Variants in MIR2052HG observed in about 807,000 individuals in gnomAD.
The protein encoded by MIR2052HG is MIR2052 host gene.
At chr8:74,654,414 C>G (rs1006986959) in intron 2 of MIR2052HG, among the ~76,000 whole-genome samples, 3 of 152,042 alleles carry the variant, frequency 2.0e-5, no homozygotes, top group Non-Finnish European at 4.4e-5. Context: ...GTATCCCCAC[C>G]CAAATCTCAC....
intron 2 of MIR2052HG, among the ~76,000 whole-genome samples, chr8:74,681,375 C>G (rs531483150): frequency 6.6e-6 from 1 of 151,806 alleles, no homozygotes; most frequent in Admixed American, 6.6e-5. Flanking sequence ...TGAGCCAAAA[C>G]CTTTCTAATA....
At chr8:74,655,772 T>C (rs975552102) in intron 2 of MIR2052HG, among the ~76,000 whole-genome samples, 46 of 152,222 alleles carry the variant, frequency 3.0e-4, no homozygotes, top group African/African-American at 1.1e-3. Flanking sequence ...CTAGTGAAGC[T>C]GTGAGAAGAG....
chr8:74,740,421 G>C (rs542491327), intron 4 of MIR2052HG, among the ~76,000 whole-genome samples: 1 of 152,024 alleles, frequency 6.6e-6, no homozygotes, highest in Non-Finnish European at 1.5e-5. Context: ...CTGAGATGGC[G>C]CCACTTCACT....
chr8:74,695,860 C>T (rs1046261517), intron 2 of MIR2052HG, among the ~76,000 whole-genome samples: 1 of 152,148 alleles, frequency 6.6e-6, no homozygotes, highest in Admixed American at 6.5e-5. Flanking sequence ...AGATAGACAG[C>T]AACACAATAA....
intron 2 of MIR2052HG, among the ~76,000 whole-genome samples, chr8:74,688,104 G>A (rs1041695920): frequency 1.3e-5 from 2 of 152,174 alleles, no homozygotes; most frequent in East Asian, 1.9e-4. Flanking sequence ...CTTTATGTGA[G>A]TAGTCCTCAT....
intron 4 of MIR2052HG, among the ~76,000 whole-genome samples, chr8:74,733,461 T>G (rs1441923383): frequency 6.6e-6 from 1 of 151,652 alleles, no homozygotes; most frequent in Non-Finnish European, 1.5e-5. Flanking sequence ...TGTGCCACAT[T>G]TTCTTAATCC....
chr8:74,718,309 A>G lies in MIR2052HG; in HGVS notation n.371+14627A>G, dbSNP rs74502132. Among the ~76,000 whole-genome samples, 349 of 152,278 alleles carry G rather than the reference A, an allele frequency of 2.3e-3. 1 individual carries two copies. Among genetic ancestry groups the G allele is most frequent in the African/African-American group, 7.7e-3 (319 of 41,560 alleles). ...AAAAGAGCAGTTTAGACCAGATGAC[A>G]GGGGCCTTTTCTTTTATATTCTCAT... On this transcript the variant is annotated intron_variant and non_coding_transcript_variant, in intron 4 of 6. Coordinates refer to ENST00000523442, the Ensembl canonical transcript of MIR2052HG.
chr8:74,682,228 C>T (rs570041255), intron 2 of MIR2052HG, among the ~76,000 whole-genome samples: 10 of 152,058 alleles, frequency 6.6e-5, no homozygotes, highest in African/African-American at 1.4e-4. Context: ...AGGGTGACTA[C>T]CTTAATGAGT....
At chr8:74,710,021 C>A (rs1296997874) in intron 4 of MIR2052HG, among the ~76,000 whole-genome samples, 1 of 152,126 alleles carries the variant, frequency 6.6e-6, no homozygotes, top group African/African-American at 2.4e-5. Flanking sequence ...TAGTTTGCAG[C>A]CACCCCATTC....
intron 4 of MIR2052HG, among the ~76,000 whole-genome samples, chr8:74,734,920 T>A (rs1563542671): frequency 6.6e-6 from 1 of 152,236 alleles, no homozygotes; most frequent in Non-Finnish European, 1.5e-5. Context: ...GTTTATGTGT[T>A]TATCCCTCAA....
intron 1 of MIR2052HG, among the ~76,000 whole-genome samples, chr8:74,611,820 A>T (rs1252207237): frequency 6.6e-6 from 1 of 152,178 alleles, no homozygotes; most frequent in Non-Finnish European, 1.5e-5. Context: ...GATTGATAGG[A>T]TGTTCAACTA....
intron 2 of MIR2052HG, among the ~76,000 whole-genome samples, chr8:74,689,608 G>A (rs914349455): frequency 1.3e-5 from 2 of 151,928 alleles, no homozygotes; most frequent in African/African-American, 4.8e-5. Flanking sequence ...TACTTCATAT[G>A]GTCAACCACC....
intron 2 of MIR2052HG, among the ~76,000 whole-genome samples, chr8:74,676,689 G>T (rs931620342): frequency 6.6e-6 from 1 of 151,828 alleles, no homozygotes; most frequent in East Asian, 1.9e-4. Flanking sequence ...AAAAATATGA[G>T]AATAAAGATG....
rs1374297060 is a variant in MIR2052HG at position 74,623,170 on chromosome 8, G to A, written n.216+10230G>A. On this transcript the variant is annotated intron_variant and non_coding_transcript_variant, in intron 2 of 6. Transcript: ENST00000523442. Reference sequence around the variant, plus strand: ...TTCTCATCACAAAAAAGATAAGAATGGTAGGTGATTGTTAGGTTAATTAGC... The same window carrying A: ...TTCTCATCACAAAAAAGATAAGAATAGTAGGTGATTGTTAGGTTAATTAGC... 4.6e-5 allele frequency among the ~76,000 whole-genome samples: 7 copies of A among 152,244 alleles called. No individual in the cohort carries two copies. In the East Asian group the frequency reaches 1.4e-3, roughly 29 times the overall value.
chr8:74,628,003 C>T (rs2128733679), intron 2 of MIR2052HG, among the ~76,000 whole-genome samples: 1 of 152,266 alleles, frequency 6.6e-6, no homozygotes, highest in Middle Eastern at 3.4e-3. Context: ...TTGTGCTCTC[C>T]TTTTCCATAG....
At chr8:74,705,209 A>G (rs1265811902) in intron 4 of MIR2052HG, among the ~76,000 whole-genome samples, 2 of 152,088 alleles carry the variant, frequency 1.3e-5, no homozygotes, top group Admixed American at 6.6e-5. Context: ...GGGACATGCC[A>G]AAAGTTTCAT....
intron 2 of MIR2052HG, among the ~76,000 whole-genome samples, chr8:74,680,113 T>C (rs1809106508): frequency 6.6e-6 from 1 of 152,204 alleles, no homozygotes; most frequent in African/African-American, 2.4e-5. Flanking sequence ...TGTTTAGATA[T>C]GGTAAAATCT....
chr8:74,602,815 G>GCGTT (rs1554570004), intron 1 of MIR2052HG, among the ~76,000 whole-genome samples: 1 of 22,526 alleles, frequency 4.4e-5, no homozygotes, highest in African/African-American at 2.0e-4. Flanking sequence ...ATGCCCGGCC[G>GCGTT]TGTTTCTTTC....
chr8:74,635,014 A>G (rs938343726), intron 2 of MIR2052HG, among the ~76,000 whole-genome samples: 2 of 152,310 alleles, frequency 1.3e-5, no homozygotes, highest in South Asian at 4.1e-4. Flanking sequence ...TTCCATGAAG[A>G]ACAAGGTAAG....
Sources: allele counts gnomAD v4.1 joint callset (sites outside exome capture counted in the v4.1 genomes callset), GRCh38; gene constraint gnomAD v4.1.1; transcripts MANE v1.5; gene names NCBI Gene and HGNC (gene_info 2026-07-23, HGNC 2026-07-21).